UPB1: variants seen among roughly 807,000 people sequenced by gnomAD.
UPB1 encodes beta-ureidopropionase 1.
In UPB1, 40 loss-of-function variants were observed where a neutral mutation model predicts 49.1. The ratio of observed to expected loss-of-function variants is 0.81; its 90% confidence interval spans 0.63 to 1.06. The LOEUF (loss-of-function observed/expected upper bound fraction) is 1.06. Among genes scored for constraint, UPB1 ranks in the 50% least tolerant of loss-of-function variants. The probability of loss-of-function intolerance (pLI) is 0.00; values close to 1 mark genes in which losing one functional copy is unlikely to be tolerated. For synonymous variants in UPB1, 207 were observed against 198.2 expected (o/e 1.04, Z -0.38); for missense variants, 499 against 505.9 (o/e 0.99, Z 0.13).
At position 24,523,736 on chromosome 22, in the gene UPB1, A is replaced by T. The variant is rs1012254852; in HGVS notation, c.1034A>T (p.Asn345Ile). The change falls in exon 9 of 10, where the codon AAC (asparagine) becomes ATC (isoleucine). Residue 345 changes from asparagine to isoleucine, a missense_variant. Coordinates refer to ENST00000326010, the MANE Select transcript of UPB1 (RefSeq NM_016327.3). ...DGLLVAKLDL[N>I]LCQQVNDVWN... ...CTGCTAGTTGCTAAGCTCGACCTAA[A>T]CCTCTGCCAGCAGGTGAATGATGTC... The T allele has an allele frequency of 3.7e-6, 6 of 1,614,138 alleles. No individual in the cohort carries two copies. In the Middle Eastern group the frequency reaches 9.9e-4, roughly 266 times the overall value.
At chr22:24,509,547 C>A (rs988141227) in intron 3 of UPB1, among the ~76,000 whole-genome samples, 1 of 151,974 alleles carries the variant, frequency 6.6e-6, no homozygotes. Flanking sequence ...TAATGAGTAG[C>A]TTTTCTTATT....
chr22:24,503,251 T>C (rs1443331750), intron 3 of UPB1: 1 of 152,218 alleles, frequency 6.6e-6, no homozygotes, highest in Admixed American at 6.5e-5. Context: ...ATCAGTTTCA[T>C]CTCCTCCAAG....
At chr22:24,525,152 C>G (rs1179845500) in intron 9 of UPB1, among the ~76,000 whole-genome samples, 1 of 150,512 alleles carries the variant, frequency 6.6e-6, no homozygotes, top group East Asian at 2.0e-4. Context: ...GCCTTCCCAA[C>G]TTTGGTAATG....
intron 6 of UPB1, among the ~76,000 whole-genome samples, chr22:24,517,049 C>T (rs902944688): frequency 1.3e-5 from 2 of 152,288 alleles, no homozygotes; most frequent in South Asian, 2.1e-4. Context: ...TTCTTCTAAA[C>T]GTCAGGGTGT....
chr22:24,508,730 A>C (rs2044137380), intron 3 of UPB1, among the ~76,000 whole-genome samples: 1 of 150,886 alleles, frequency 6.6e-6, no homozygotes, highest in Non-Finnish European at 1.5e-5. Flanking sequence ...ATACAAAAAA[A>C]ATTAGATGGG....
Position 24,523,666 on chromosome 22 carries a change from C to T in UPB1, c.964C>T (p.Pro322Ser). The T allele has an allele frequency of 1.2e-6, 2 of 1,614,270 alleles. No homozygotes were observed. Residue 322 changes from proline (P) to serine (S), a missense_variant, in exon 9 of 10, where the codon CCT (proline) becomes TCT (serine). Coordinates refer to ENST00000326010, the MANE Select transcript of UPB1 (RefSeq NM_016327.3). ...YFYGSSYVAA[P>S]DSSRTPGLSR... Reference sequence around the variant, plus strand: ...TTATGGCTCGAGCTATGTGGCAGCCCCTGACAGCAGCCGGACTCCTGGGCT... The same window carrying T: ...TTATGGCTCGAGCTATGTGGCAGCCTCTGACAGCAGCCGGACTCCTGGGCT...
chr22:24,523,549 G>A (rs2044432344), intron 8 of UPB1, 70 bp from the exon 9 acceptor site: 2 of 1,608,720 alleles, frequency 1.2e-6, no homozygotes, highest in Admixed American at 3.3e-5. Flanking sequence ...GCCTCAAGGT[G>A]CCTGACCCTC....
intron 3 of UPB1, among the ~76,000 whole-genome samples, chr22:24,508,557 C>T (rs185099167): frequency 4.7e-4 from 69 of 146,362 alleles, no homozygotes; most frequent in Admixed American, 2.4e-3. Context: ...GAGACTCCGT[C>T]TCAAAAAAGA....
At chr22:24,522,105 C>T (rs1207321786) in intron 8 of UPB1, 77 bp downstream of exon 8, 27 of 1,532,710 alleles carry the variant, frequency 1.8e-5, no homozygotes, top group Non-Finnish European at 2.4e-5. Flanking sequence ...TTCCTCCAGT[C>T]AGGATCTGCC....
At chr22:24,497,791 C>T (rs2043919649) in intron 1 of UPB1, among the ~76,000 whole-genome samples, 1 of 152,128 alleles carries the variant, frequency 6.6e-6, no homozygotes, top group African/African-American at 2.4e-5. Flanking sequence ...TACCAGACTT[C>T]CCTGTACTTG....
intron 4 of UPB1, 143 bp from the exon 5 acceptor site, chr22:24,513,181 C>T: frequency 8.8e-7 from 1 of 1,139,128 alleles, no homozygotes; most frequent in Non-Finnish European, 1.3e-6. Flanking sequence ...GCATGGACAT[C>T]AGGGTATTTA....
At chr22:24,504,181 C>T (rs868365457) in intron 3 of UPB1, among the ~76,000 whole-genome samples, 4 of 152,230 alleles carry the variant, frequency 2.6e-5, no homozygotes, top group Non-Finnish European at 4.4e-5. Context: ...GGTTGCCAAC[C>T]GCTCTGGTAC....
intron 3 of UPB1, among the ~76,000 whole-genome samples, chr22:24,504,276 C>T (rs1258284592): frequency 6.6e-6 from 1 of 152,202 alleles, no homozygotes; most frequent in Admixed American, 6.5e-5. Context: ...TGAGGCCTTG[C>T]CCATCTGAAA....
rs554722794 is a variant in UPB1, at chr22:24,499,211, C to T, written c.105-896C>T. On this transcript the variant is annotated intron_variant, in intron 1 of 9. Transcript: ENST00000326010. ...GACAGGGCTGTGATTTTGAAAGAAACGTCTCCAAGAAAGTGATTTAAAGTA... is the reference window on the plus strand; with the variant it reads ...GACAGGGCTGTGATTTTGAAAGAAATGTCTCCAAGAAAGTGATTTAAAGTA... Among the ~76,000 whole-genome samples the T allele has an allele frequency of 1.1e-4, 17 of 152,266 alleles. No homozygotes were observed. In the South Asian group the frequency reaches 1.9e-3, roughly 17 times the overall value.
At chr22:24,522,136 C>CCTGG (rs1403560443) in intron 8 of UPB1, 108 bp downstream of exon 8, 1 of 1,344,276 alleles carries the variant, frequency 7.4e-7, no homozygotes, top group African/African-American at 1.4e-5. Context: ...CATCTGCATG[C>CCTGG]CTGGCACCTA....
rs915097286 is a variant in UPB1 at position 24,526,957 on chromosome 22, TATCC to T, written c.*1167_*1170del. The T allele has an allele frequency of 6.6e-6, 1 of 152,230 alleles. No individual in the cohort carries two copies. The highest frequency in any genetic ancestry group is 1.5e-5 in the Non-Finnish European group (1 of 68,036). 9.4% of individuals were successfully genotyped at this position (152,230 alleles called of 1,614,324 possible). A position where few individuals can be genotyped will look rare whatever the true frequency, so the allele number is the denominator to read the frequency against. ...GTTGCACTAAATCCTTTTATATCTC[TATCC>T]ATCACCTACTAATTCTGCTAGTTCT... On this transcript the variant is annotated 3_prime_UTR_variant, in exon 10 of 10. Transcript: ENST00000326010.
chr22:24,517,205 T>C (rs2044312413), intron 6 of UPB1, among the ~76,000 whole-genome samples: 1 of 152,214 alleles, frequency 6.6e-6, no homozygotes, highest in Non-Finnish European at 1.5e-5. Flanking sequence ...CCTGCCCATG[T>C]ACCTGGAGGT....
At chr22:24,502,631 T>C in intron 3 of UPB1, 2 of 679,396 alleles carry the variant, frequency 2.9e-6, no homozygotes, top group Non-Finnish European at 5.3e-6. Context: ...TTTATCAGAG[T>C]TTTACATGCT....
At position 24,517,494 on chromosome 22, in the gene UPB1, A is replaced by G. The variant is rs372281910; in HGVS notation, c.791+2124A>G. Among the ~76,000 whole-genome samples the G allele has an allele frequency of 5.4e-4, 83 of 152,330 alleles. 2 individuals are homozygous for G. In the South Asian group the frequency reaches 0.015, roughly 27 times the overall value. On this transcript the variant is annotated intron_variant, in intron 6 of 9. Transcript: ENST00000326010. ...CTAGAGGAACCCGAAGCACTAGGGC[A>G]TCTGGCTTCTGGGCCAGGGCAGACA...
Sources: allele counts gnomAD v4.1 joint callset (sites outside exome capture counted in the v4.1 genomes callset), GRCh38; gene constraint gnomAD v4.1.1; transcripts MANE v1.5; gene names NCBI Gene and HGNC (gene_info 2026-07-23, HGNC 2026-07-21).